The following DAG1 variants were observed in gnomAD, a reference collection of about 807,000 sequenced individuals.
DAG1 encodes the protein dystroglycan 1 (dystrophin-associated glycoprotein 1).
DAG1 carries 8 observed loss-of-function variants against 46.1 expected under a neutral mutation model. That is an observed-to-expected ratio of 0.17 (90% CI 0.10 to 0.31). DAG1 has a LOEUF of 0.31. Among genes scored for constraint, DAG1 ranks in the 10% least tolerant of loss-of-function variants. DAG1 has a pLI of 1.00. For missense variants in DAG1, 1,003 were observed against 1,189.9 expected (o/e 0.84, Z 2.31); for synonymous variants, 495 against 481.8 (o/e 1.03, Z -0.36).
intron 2 of DAG1, among the ~76,000 whole-genome samples, chr3:49,514,988 T>C (rs937368953): frequency 6.6e-6 from 1 of 152,204 alleles, no homozygotes; most frequent in Non-Finnish European, 1.5e-5. Context: ...GCCTCCTGAA[T>C]AGCTGGGACT....
At chr3:49,527,149 T>C (rs901795787) in intron 2 of DAG1, among the ~76,000 whole-genome samples, 13 of 150,780 alleles carry the variant, frequency 8.6e-5, no homozygotes, top group South Asian at 2.1e-4. Context: ...CCCAGCACTT[T>C]GGGAGGCCGA....
chr3:49,486,826 T>C (rs960179305), intron 1 of DAG1, among the ~76,000 whole-genome samples: 14 of 152,164 alleles, frequency 9.2e-5, no homozygotes, highest in Non-Finnish European at 1.9e-4. Flanking sequence ...CTTGACGGTG[T>C]CTTCTGGGTA....
At chr3:49,510,867 T>C (rs1353466713) in intron 2 of DAG1, 48 bp downstream of exon 2, 1 of 1,604,154 alleles carries the variant, frequency 6.2e-7, no homozygotes, top group Admixed American at 1.7e-5. Flanking sequence ...TCATTTTCCA[T>C]TTTAGTTTTG....
chr3:49,498,150 T>C (rs762147382), intron 1 of DAG1, among the ~76,000 whole-genome samples: 6 of 152,194 alleles, frequency 3.9e-5, no homozygotes, highest in Non-Finnish European at 8.8e-5. Flanking sequence ...CTGGCTCCCT[T>C]TGGTTGGTCC....
In DAG1 at chr3:49,532,557, T is replaced by G; in HGVS notation, c.2046T>G (p.Ala682=). Residue 682 remains alanine (A), a synonymous_variant, in exon 3 of 3, where the codon GCT becomes GCG. Coordinates refer to ENST00000308775, the MANE Select transcript of DAG1 (RefSeq NM_004393.6). This position sits in a 1 kb window ranked among gnomAD's most constrained non-coding sequence, Gnocchi z 5.4. The part of the protein sequence containing the change: ...EQIAGLSRRI[A]EDDGKPRPAF... ...TCGCTGGGCTGAGCCGCCGGATCGC[T>G]GAGGATGATGGAAAACCTCGGCCTG... 1 of 1,613,076 alleles carries G rather than the reference T, an allele frequency of 6.2e-7. No homozygotes were observed. The highest frequency in any genetic ancestry group is 2.2e-5 in the East Asian group (1 of 44,864).
At position 49,532,337 on chromosome 3, in the gene DAG1, A is replaced by G. The variant is rs200798800; in HGVS notation, c.1826A>G (p.Lys609Arg). The G allele has an allele frequency of 8.7e-6, 14 of 1,614,182 alleles. No homozygotes were observed. Among genetic ancestry groups the G allele is most frequent in the Non-Finnish European group, 9.3e-6 (11 of 1,180,042 alleles). The change falls in exon 3 of 3, where the codon AAG becomes AGG. Residue 609 changes from lysine (K) to arginine (R), a missense_variant. Lys to Arg is a conservative substitution (Grantham distance 26). Coordinates refer to ENST00000308775, the MANE Select transcript of DAG1 (RefSeq NM_004393.6). The surrounding 1 kb of genome is among the most constrained non-coding windows in gnomAD (Gnocchi z 5.4). ...PQGDRAPARFKAKFVGDPALV... is the reference protein window; with the variant it reads ...PQGDRAPARFRAKFVGDPALV... ...GGGGATAGGGCTCCTGCAAGGTTCA[A>G]GGCCAAGTTTGTGGGTGACCCGGCA...
chr3:49,502,227 G>A (rs1245372022), intron 1 of DAG1, among the ~76,000 whole-genome samples: 1 of 152,240 alleles, frequency 6.6e-6, no homozygotes, highest in Non-Finnish European at 1.5e-5. Flanking sequence ...GAGATCTGAG[G>A]AGAAGACCCT....
intron 2 of DAG1, among the ~76,000 whole-genome samples, chr3:49,521,638 G>GT (rs1037548328): frequency 6.6e-6 from 1 of 151,936 alleles, no homozygotes; most frequent in Non-Finnish European, 1.5e-5. Context: ...TAAAGACGAC[G>GT]TTTTGCCGTG....
chr3:49,481,030 G>A (rs1262878574), intron 1 of DAG1, among the ~76,000 whole-genome samples: 4 of 147,536 alleles, frequency 2.7e-5, no homozygotes, highest in African/African-American at 7.4e-5. Context: ...CAAAGTGCTG[G>A]GATTACAGGC....
At chr3:49,515,800 C>T (rs2050883482) in intron 2 of DAG1, among the ~76,000 whole-genome samples, 1 of 152,144 alleles carries the variant, frequency 6.6e-6, no homozygotes, top group South Asian at 2.1e-4. Flanking sequence ...CAAGCTACTG[C>T]TTGCTTACTT....
chr3:49,479,338 C>G (rs1469462807), intron 1 of DAG1, among the ~76,000 whole-genome samples: 2 of 148,436 alleles, frequency 1.3e-5, no homozygotes, highest in Non-Finnish European at 1.5e-5. Context: ...GAGACAGAGT[C>G]TCTCTCTGTT....
intron 2 of DAG1, among the ~76,000 whole-genome samples, chr3:49,525,330 C>A (rs1176367736): frequency 2.0e-5 from 3 of 152,080 alleles, no homozygotes; most frequent in African/African-American, 7.2e-5. Flanking sequence ...AGACTTGGCT[C>A]TTATATTAGT....
At chr3:49,477,100 C>G (rs894902920) in intron 1 of DAG1, among the ~76,000 whole-genome samples, 2 of 151,972 alleles carry the variant, frequency 1.3e-5, no homozygotes, top group Non-Finnish European at 2.9e-5. Context: ...CGGGTTCAAG[C>G]AATTCTCCTG....
intron 1 of DAG1, among the ~76,000 whole-genome samples, chr3:49,478,481 C>G (rs1267063165): frequency 6.9e-6 from 1 of 145,750 alleles, no homozygotes; most frequent in Non-Finnish European, 1.5e-5. Flanking sequence ...GGCACGTTCC[C>G]TAGGTACTCG....
intron 1 of DAG1, among the ~76,000 whole-genome samples, chr3:49,491,166 C>T (rs966228178): frequency 1.8e-4 from 28 of 151,848 alleles, no homozygotes; most frequent in Admixed American, 9.8e-4. Flanking sequence ...TGAGCCACCA[C>T]GCCTGGCATT....
intron 1 of DAG1, among the ~76,000 whole-genome samples, chr3:49,503,912 TTTATC>T (rs989322062): frequency 4.6e-5 from 7 of 152,124 alleles, no homozygotes; most frequent in African/African-American, 4.8e-5. Context: ...CAAATTCAAA[TTTATC>T]TTAAGATTTA....
intron 1 of DAG1, among the ~76,000 whole-genome samples, chr3:49,499,080 C>T (rs558166176): frequency 2.3e-4 from 35 of 152,228 alleles, no homozygotes; most frequent in African/African-American, 7.2e-4. Flanking sequence ...TTTTAGGTAG[C>T]GTAGCTATTT....
chr3:49,480,542 C>A (rs867422882), intron 1 of DAG1, among the ~76,000 whole-genome samples: 1 of 132,654 alleles, frequency 7.5e-6, no homozygotes, highest in African/African-American at 2.5e-5. Flanking sequence ...ATCCGCCCGC[C>A]TTGGCCTCCC....
intron 2 of DAG1, among the ~76,000 whole-genome samples, chr3:49,521,465 G>A (rs1042573189): frequency 2.0e-5 from 3 of 152,142 alleles, no homozygotes; most frequent in South Asian, 2.1e-4. Flanking sequence ...GCGCCCGGCC[G>A]TCTTTGTTTT....
Sources: gnomAD v4.1 joint callset for allele counts (sites outside exome capture counted in the v4.1 genomes callset) on GRCh38, gnomAD v4.1.1 for gene constraint, Gnocchi (gnomAD v3.1) non-coding constraint, MANE v1.5 for transcripts, NCBI Gene and HGNC (gene_info 2026-07-23, HGNC 2026-07-21) for gene names.